Variants in SEMA6D observed in about 807,000 individuals in gnomAD.
SEMA6D encodes semaphorin-6D.
A neutral mutation model predicts 106.6 loss-of-function variants in SEMA6D; 35 were observed. The observed-to-expected ratio is 0.33, with a 90% CI of 0.25 to 0.44. SEMA6D has a LOEUF of 0.44. SEMA6D is among the 20% of genes least tolerant of loss of function. The pLI is 1.00. For synonymous variants in SEMA6D, 499 were observed against 487.7 expected (o/e 1.02, Z -0.31); for missense variants, 1,185 against 1,345.9 (o/e 0.88, Z 1.87).
intron 1 of SEMA6D, among the ~76,000 whole-genome samples, chr15:47,329,459 G>T (rs368622347): frequency 6.6e-6 from 1 of 152,156 alleles, no homozygotes; most frequent in Non-Finnish European, 1.5e-5. Context: ...CTAAACAGGC[G>T]TATAAGGTTC....
chr15:47,391,748 T>C (rs558849297), intron 1 of SEMA6D, among the ~76,000 whole-genome samples: 1 of 151,382 alleles, frequency 6.6e-6, no homozygotes, highest in South Asian at 2.1e-4. Flanking sequence ...CTTGTGGGAG[T>C]CTCTACTGAA....
chr15:47,329,684 A>C (rs959297541), intron 1 of SEMA6D, among the ~76,000 whole-genome samples: 3 of 152,132 alleles, frequency 2.0e-5, no homozygotes, highest in Admixed American at 6.5e-5. Flanking sequence ...AATGGTCTTC[A>C]GACCTGCCTC....
At chr15:47,712,888 A>G (rs927231869), upstream of SEMA6D, among the ~76,000 whole-genome samples, 3 of 152,156 alleles carry the variant, frequency 2.0e-5, no homozygotes, top group East Asian at 5.8e-4. Flanking sequence ...CAAAGTACAG[A>G]TAAGCACAAT....
intron 3 of SEMA6D, among the ~76,000 whole-genome samples, chr15:47,563,024 G>A (rs949493300): frequency 1.3e-5 from 2 of 152,140 alleles, no homozygotes; most frequent in African/African-American, 2.4e-5. Context: ...GCTGATACAT[G>A]CTACAAACCT....
intron 1 of SEMA6D, among the ~76,000 whole-genome samples, chr15:47,291,870 G>T (rs1420691535): frequency 6.6e-6 from 1 of 151,798 alleles, no homozygotes; most frequent in African/African-American, 2.4e-5. Flanking sequence ...CTCTGTCTCT[G>T]TCTCTCTCTC....
At chr15:47,452,984 A>G (rs2042237248) in intron 2 of SEMA6D, among the ~76,000 whole-genome samples, 1 of 151,908 alleles carries the variant, frequency 6.6e-6, no homozygotes, top group African/African-American at 2.4e-5. Context: ...TGATTGTTTT[A>G]TGATTGCATT....
chr15:47,724,920 G>T (rs1019422633), intron 1 of SEMA6D, among the ~76,000 whole-genome samples: 1 of 152,222 alleles, frequency 6.6e-6, no homozygotes, highest in African/African-American at 2.4e-5. Context: ...CATGAACGTT[G>T]CAAGGAGTAA....
In SEMA6D at chr15:47,252,632, G is replaced by C. The variant is rs537975124; in HGVS notation, c.-239+68214G>C. 2.6e-5 allele frequency among the ~76,000 whole-genome samples: 4 copies of C among 152,174 alleles called. No individual in the cohort carries two copies. In the South Asian group the frequency reaches 8.3e-4, roughly 32 times the overall value. ...CAACTTTCCTAGATTCCATATGTAT[G>C]TGAGATCATACAATTTTGGTCTTTC... On this transcript the variant is annotated intron_variant, in intron 1 of 19. Coordinates refer to the SEMA6D transcript ENST00000558014.
chr15:47,251,881 A>G (rs1369872003), intron 1 of SEMA6D, among the ~76,000 whole-genome samples: 1 of 131,970 alleles, frequency 7.6e-6, no homozygotes, highest in Non-Finnish European at 1.7e-5. Flanking sequence ...GTATCTGTTC[A>G]TGTATTTTAT....
At chr15:47,217,132 A>G (rs948812475) in intron 1 of SEMA6D, among the ~76,000 whole-genome samples, 37 of 152,314 alleles carry the variant, frequency 2.4e-4, no homozygotes, top group Admixed American at 1.4e-3. Context: ...TGAAGATGTG[A>G]GAAATCATTC....
chr15:47,739,168 C>A (rs1338848459), intron 1 of SEMA6D, among the ~76,000 whole-genome samples: 2 of 152,184 alleles, frequency 1.3e-5, no homozygotes, highest in African/African-American at 4.8e-5. Context: ...TATACACCCA[C>A]TTCTGAATGG....
At chr15:47,370,998 C>G (rs986688219) in intron 1 of SEMA6D, among the ~76,000 whole-genome samples, 2 of 152,164 alleles carry the variant, frequency 1.3e-5, no homozygotes, top group Non-Finnish European at 2.9e-5. Flanking sequence ...GAAGGTAAGA[C>G]GTCCCGCCAG....
intron 3 of SEMA6D, among the ~76,000 whole-genome samples, chr15:47,474,357 T>C (rs2042942967): frequency 6.6e-6 from 1 of 152,218 alleles, no homozygotes; most frequent in African/African-American, 2.4e-5. Context: ...TAATTAATTG[T>C]AGAATGTTTG....
At chr15:47,768,796 C>A in intron 18 of SEMA6D, 48 bp downstream of exon 18, 1 of 1,559,892 alleles carries the variant, frequency 6.4e-7, no homozygotes, top group South Asian at 1.2e-5. Flanking sequence ...GAAACCTGAT[C>A]CTTAATGTCA....
intron 1 of SEMA6D, among the ~76,000 whole-genome samples, chr15:47,300,127 G>A (rs2035963691): frequency 6.6e-6 from 1 of 152,202 alleles, no homozygotes. Context: ...ATCACTGGGA[G>A]CAGCTTTGTC....
intron 4 of SEMA6D, among the ~76,000 whole-genome samples, chr15:47,697,187 A>G (rs1315306821): frequency 7.9e-5 from 12 of 152,188 alleles, no homozygotes; most frequent in African/African-American, 2.2e-4. Context: ...GGCAAGGGCA[A>G]TGCACATCTG....
chr15:47,397,461 T>C (rs536985802), intron 1 of SEMA6D: 5 of 152,248 alleles, frequency 3.3e-5, no homozygotes, highest in African/African-American at 1.2e-4. Context: ...ATATAACAGG[T>C]GCTAAATAAG....
At chr15:47,546,453 C>A (rs1245013918) in intron 3 of SEMA6D, among the ~76,000 whole-genome samples, 1 of 152,056 alleles carries the variant, frequency 6.6e-6, no homozygotes. Flanking sequence ...AGCCAATTAA[C>A]CCGCACTGGA....
intron 3 of SEMA6D, among the ~76,000 whole-genome samples, chr15:47,483,242 C>G (rs2043203267): frequency 6.6e-6 from 1 of 152,110 alleles, no homozygotes. Context: ...CTAATTTTCT[C>G]CTCTCTAATC....
Sources: gnomAD v4.1 joint callset for allele counts (sites outside exome capture counted in the v4.1 genomes callset) on GRCh38, gnomAD v4.1.1 for gene constraint, MANE v1.5 for transcripts, NCBI Gene and HGNC (gene_info 2026-07-23, HGNC 2026-07-21) for gene names.